The following ACKR3 variants were observed in gnomAD, a reference collection of about 807,000 sequenced individuals.
ACKR3 encodes the protein C-X-C chemokine receptor type 7.
ACKR3 carries 6 observed loss-of-function variants against 22.4 expected under a neutral mutation model. The observed-to-expected ratio is 0.27, with a 90% CI of 0.15 to 0.53. ACKR3 has a LOEUF of 0.53. Among genes scored for constraint, ACKR3 ranks in the 20% least tolerant of loss-of-function variants. The probability of loss-of-function intolerance (pLI) is 0.96; values close to 1 mark genes in which losing one functional copy is unlikely to be tolerated. For missense variants in ACKR3, 396 were observed against 475.2 expected (o/e 0.83, Z 1.55); for synonymous variants, 209 against 205.2 (o/e 1.02, Z -0.16).
the ACKR3 span, among the ~76,000 whole-genome samples, chr2:236,556,924 T>A: frequency 6.6e-6 from 1 of 152,134 alleles, no homozygotes; most frequent in Non-Finnish European, 1.5e-5. Flanking sequence ...CTGACCTCAG[T>A]TGATCCCCCC....
At chr2:236,564,117 C>G (rs951272000), upstream of ACKR3, among the ~76,000 whole-genome samples, 1 of 151,916 alleles carries the variant, frequency 6.6e-6, no homozygotes, top group Non-Finnish European at 1.5e-5. Flanking sequence ...TGCAAAAACC[C>G]CCTCTCGGGA....
chr2:236,546,431 T>A, the ACKR3 span, among the ~76,000 whole-genome samples: 2 of 152,224 alleles, frequency 1.3e-5, no homozygotes, highest in East Asian at 1.9e-4. The surrounding 1 kb of genome is among the most constrained non-coding windows in gnomAD (Gnocchi z 4.9). Flanking sequence ...ACATAGATAC[T>A]TTTCCACTAT....
the ACKR3 span, among the ~76,000 whole-genome samples, chr2:236,555,689 C>T: frequency 0.058 from 8,769 of 152,208 alleles, 342 homozygotes; most frequent in African/African-American, 0.1. Flanking sequence ...AGGCCAGCTC[C>T]GCCCTCATTC....
upstream of ACKR3, among the ~76,000 whole-genome samples, chr2:236,566,148 T>G (rs1450607934): frequency 6.6e-6 from 1 of 152,200 alleles, no homozygotes; most frequent in Non-Finnish European, 1.5e-5. Flanking sequence ...AGAAGCCTGG[T>G]GGTGCCACAT....
the ACKR3 span, among the ~76,000 whole-genome samples, chr2:236,548,607 C>G: frequency 6.6e-6 from 1 of 152,186 alleles, no homozygotes; most frequent in Admixed American, 6.5e-5. This position sits in a 1 kb window ranked among gnomAD's most constrained non-coding sequence, Gnocchi z 4.3. Flanking sequence ...CTTTCATGAG[C>G]AAACCAATTC....
intron 1 of ACKR3, among the ~76,000 whole-genome samples, chr2:236,571,726 A>T (rs1574973180): frequency 6.6e-6 from 1 of 151,712 alleles, no homozygotes; most frequent in African/African-American, 2.4e-5. Context: ...TTTCAAGTCG[A>T]CGTGAGGGAA....
intron 1 of ACKR3, among the ~76,000 whole-genome samples, chr2:236,571,732 G>A (rs1192175146): frequency 1.3e-5 from 2 of 151,908 alleles, no homozygotes; most frequent in Non-Finnish European, 2.9e-5. Context: ...GTCGACGTGA[G>A]GGAAATTGGT....
chr2:236,549,759 T>C, the ACKR3 span, among the ~76,000 whole-genome samples: 1 of 152,208 alleles, frequency 6.6e-6, no homozygotes, highest in Non-Finnish European at 1.5e-5. The surrounding 1 kb of genome is among the most constrained non-coding windows in gnomAD (Gnocchi z 5.3). Flanking sequence ...CATAGCTGTG[T>C]CAGGTGCAAC....
At chr2:236,542,106 A>G in the ACKR3 span, among the ~76,000 whole-genome samples, 1 of 152,348 alleles carries the variant, frequency 6.6e-6, no homozygotes, top group East Asian at 1.9e-4. Context: ...ATGCTCAGTC[A>G]AGTCTGTCTA....
At chr2:236,558,223 T>C in the ACKR3 span, among the ~76,000 whole-genome samples, 1 of 152,160 alleles carries the variant, frequency 6.6e-6, no homozygotes, top group Non-Finnish European at 1.5e-5. Flanking sequence ...GGCAACCCTA[T>C]AGGCAGTGCG....
At chr2:236,543,529 T>C in the ACKR3 span, among the ~76,000 whole-genome samples, 15 of 152,074 alleles carry the variant, frequency 9.9e-5, no homozygotes, top group Non-Finnish European at 1.9e-4. Flanking sequence ...GAGTTATTGA[T>C]ATGTCGTGAG....
At chr2:236,561,224 A>G in the ACKR3 span, among the ~76,000 whole-genome samples, 1 of 150,100 alleles carries the variant, frequency 6.7e-6, no homozygotes. Flanking sequence ...TATCTAGTCA[A>G]CAATAATATA....
Position 236,577,209 on chromosome 2 carries a change from A to T in ACKR3, c.-26-3231A>T, listed in dbSNP as rs1169451338. On this transcript the variant is annotated intron_variant, in intron 1 of 1. Transcript: ENST00000272928. This position sits in a 1 kb window ranked among gnomAD's most constrained non-coding sequence, Gnocchi z 5.6. ...GAGGAGCTCCAGCCTCCGCTCTCTC[A>T]TTCAGCCCTTGGGCAGCAACAGCCA... is the stretch of plus-strand genomic sequence containing the variant. Among the ~76,000 whole-genome samples the T allele has an allele frequency of 6.6e-6, 1 of 152,172 alleles. No homozygotes were observed. Among genetic ancestry groups the T allele is most frequent in the Non-Finnish European group, 1.5e-5 (1 of 68,026 alleles).
upstream of ACKR3, among the ~76,000 whole-genome samples, chr2:236,563,697 C>T (rs972382082): frequency 1.1e-4 from 17 of 152,108 alleles, no homozygotes; most frequent in African/African-American, 2.4e-4. Context: ...ATAGACAGTG[C>T]GGTGGATACT....
the ACKR3 span, among the ~76,000 whole-genome samples, chr2:236,541,296 A>G: frequency 3.3e-5 from 5 of 152,206 alleles, no homozygotes; most frequent in Non-Finnish European, 5.9e-5. Flanking sequence ...GCCAGTGGTT[A>G]TGTGTTAATA....
At chr2:236,570,470 G>C (rs1691283809) in intron 1 of ACKR3, among the ~76,000 whole-genome samples, 1 of 152,212 alleles carries the variant, frequency 6.6e-6, no homozygotes, top group Non-Finnish European at 1.5e-5. Context: ...TTTGAATTCA[G>C]TACTTTGGGG....
the ACKR3 span, among the ~76,000 whole-genome samples, chr2:236,552,557 G>C: frequency 5.9e-5 from 9 of 152,184 alleles, no homozygotes; most frequent in Non-Finnish European, 1.3e-4. Context: ...GAGGAGGGGA[G>C]AGAGATAATT....
the ACKR3 span, among the ~76,000 whole-genome samples, chr2:236,544,936 T>C: frequency 1.3e-5 from 2 of 152,150 alleles, no homozygotes; most frequent in Non-Finnish European, 2.9e-5. This position sits in a 1 kb window ranked among gnomAD's most constrained non-coding sequence, Gnocchi z 5.0. Context: ...CACTTGGATA[T>C]ATTTGTAGAA....
At chr2:236,546,679 G>A in the ACKR3 span, among the ~76,000 whole-genome samples, 1 of 152,184 alleles carries the variant, frequency 6.6e-6, no homozygotes, top group Admixed American at 6.5e-5. The surrounding 1 kb of genome is among the most constrained non-coding windows in gnomAD (Gnocchi z 4.9). Context: ...GAGCACCAGA[G>A]GCAAACAGAT....
Sources: gnomAD v4.1 joint callset for allele counts (sites outside exome capture counted in the v4.1 genomes callset) on GRCh38, gnomAD v4.1.1 for gene constraint, Gnocchi (gnomAD v3.1) non-coding constraint, MANE v1.5 for transcripts, NCBI Gene and HGNC (gene_info 2026-07-23, HGNC 2026-07-21) for gene names.